The following THEMIS variants were observed in gnomAD, a reference collection of about 807,000 sequenced individuals.
THEMIS encodes the protein protein THEMIS.
A neutral mutation model predicts 52.6 loss-of-function variants in THEMIS; 37 were observed. The observed-to-expected ratio is 0.70, with a 90% CI of 0.54 to 0.93. The LOEUF is 0.93. THEMIS is among the 40% of genes least tolerant of loss of function. THEMIS has a pLI of 0.00. For synonymous variants in THEMIS, 292 were observed against 272.7 expected (o/e 1.07, Z -0.70); for missense variants, 808 against 763.1 (o/e 1.06, Z -0.69).
At chr6:127,855,006 A>T (rs773455106) in intron 2 of THEMIS, 24 bp downstream of exon 2, 1 of 1,573,234 alleles carries the variant, frequency 6.4e-7, no homozygotes, top group African/African-American at 1.4e-5. Context: ...TGTACAAATG[A>T]TAAGTGGTTG....
At chr6:127,817,529 T>C (rs1030374239) in intron 3 of THEMIS, among the ~76,000 whole-genome samples, 4 of 152,128 alleles carry the variant, frequency 2.6e-5, no homozygotes, top group African/African-American at 9.7e-5. Flanking sequence ...GTAAAATATT[T>C]TCATCCAAGT....
At chr6:127,723,747 G>A (rs1173716825) in intron 4 of THEMIS, among the ~76,000 whole-genome samples, 1 of 151,974 alleles carries the variant, frequency 6.6e-6, no homozygotes, top group Non-Finnish European at 1.5e-5. Context: ...CTGGGTTCCT[G>A]CAAGTGTCAC....
At chr6:127,905,792 A>G (rs1781253777), upstream of THEMIS, among the ~76,000 whole-genome samples, 1 of 151,600 alleles carries the variant, frequency 6.6e-6, no homozygotes, top group Admixed American at 6.6e-5. Context: ...ATAAAAACAC[A>G]TGTAATTTCT....
chr6:127,866,972 T>TATTTA (rs1269869637), intron 1 of THEMIS, among the ~76,000 whole-genome samples: 5 of 150,800 alleles, frequency 3.3e-5, no homozygotes, highest in African/African-American at 1.2e-4. Context: ...TTTATTTATT[T>TATTTA]ATTTATTTTT....
intron 1 of THEMIS, among the ~76,000 whole-genome samples, chr6:127,859,840 TG>T: frequency 6.6e-6 from 1 of 152,258 alleles, no homozygotes; most frequent in South Asian, 2.1e-4. Flanking sequence ...CTGCAAAGTA[TG>T]GCTGATAGTG....
At chr6:127,821,145 T>G (rs1036387400) in intron 3 of THEMIS, among the ~76,000 whole-genome samples, 1 of 151,374 alleles carries the variant, frequency 6.6e-6, no homozygotes, top group African/African-American at 2.4e-5. Flanking sequence ...TATATAGCTC[T>G]AATCATGTGT....
chr6:127,812,880 T>C lies in THEMIS; in HGVS notation c.1758+3A>G. On this transcript the variant is annotated splice_donor_region_variant and intron_variant, in intron 4 of 5. Coordinates refer to ENST00000368248, the MANE Select transcript of THEMIS (RefSeq NM_001010923.3). ...AGAAAACATTGCAAAACCATAGCCT[T>C]ACCTTGGGAGACTTGGGCAGGTCTA... The C allele has an allele frequency of 6.3e-7, 1 of 1,585,638 alleles. No homozygotes were observed. The highest frequency in any genetic ancestry group is 8.6e-7 in the Non-Finnish European group (1 of 1,165,590).
At chr6:127,872,280 C>A (rs1780179808) in intron 1 of THEMIS, among the ~76,000 whole-genome samples, 1 of 152,024 alleles carries the variant, frequency 6.6e-6, no homozygotes, top group Non-Finnish European at 1.5e-5. Flanking sequence ...ATTTAAAAAA[C>A]AAACTCTTAC....
At position 127,822,270 on chromosome 6, in the gene THEMIS, T is replaced by C. The variant is rs979586680; in HGVS notation, c.709+7206A>G. ...AAATTAAAATTTGCTTTACAGTTCA[T>C]TCATTTGATCTCAATTTTCTTTATG... On this transcript the variant is annotated intron_variant, in intron 3 of 5. Transcript: ENST00000368248. 1.3e-5 allele frequency among the ~76,000 whole-genome samples: 2 copies of C among 152,090 alleles called. 1 individual carries two copies. The highest frequency in any genetic ancestry group is 4.1e-4 in the South Asian group (2 of 4,834).
intron 1 of THEMIS, among the ~76,000 whole-genome samples, chr6:127,871,992 C>T (rs1220640479): frequency 6.9e-6 from 1 of 143,920 alleles, no homozygotes; most frequent in Non-Finnish European, 1.5e-5. Context: ...AGACAGCACA[C>T]ATCAAAAAAA....
chr6:127,703,035 GTTTTTTTTT>G, the THEMIS span, among the ~76,000 whole-genome samples: 115 of 82,376 alleles, frequency 1.4e-3, no homozygotes, highest in African/African-American at 6.1e-3. Flanking sequence ...TTTAGAATGA[GTTTTTTTTT>G]TTTTTTTTTT....
At chr6:127,874,619 C>A (rs928171809) in intron 1 of THEMIS, among the ~76,000 whole-genome samples, 1 of 152,118 alleles carries the variant, frequency 6.6e-6, no homozygotes. Flanking sequence ...AGTGGACCCA[C>A]AAAATTCAAA....
intron 4 of THEMIS, among the ~76,000 whole-genome samples, chr6:127,765,023 A>C (rs956131441): frequency 2.0e-5 from 3 of 152,052 alleles, no homozygotes; most frequent in African/African-American, 7.2e-5. Flanking sequence ...AGACCCTTAC[A>C]TTCTCCAGGG....
At chr6:127,697,484 C>A in the THEMIS span, among the ~76,000 whole-genome samples, 1 of 152,132 alleles carries the variant, frequency 6.6e-6, no homozygotes, top group African/African-American at 2.4e-5. Context: ...CCATCAGTTT[C>A]TCAAAACCCT....
intron 4 of THEMIS, among the ~76,000 whole-genome samples, chr6:127,771,695 A>T (rs1776390329): frequency 6.6e-6 from 1 of 152,186 alleles, no homozygotes. Context: ...AGAACTGTGA[A>T]AATCATTAAT....
chr6:127,785,673 T>C (rs1229838539), intron 4 of THEMIS, among the ~76,000 whole-genome samples: 1 of 151,946 alleles, frequency 6.6e-6, no homozygotes, highest in Non-Finnish European at 1.5e-5. Context: ...TAGCCATCTT[T>C]TCCTCCTTAT....
chr6:127,857,729 G>C (rs976015209), intron 1 of THEMIS, among the ~76,000 whole-genome samples: 2 of 151,964 alleles, frequency 1.3e-5, no homozygotes, highest in South Asian at 4.1e-4. Flanking sequence ...ATCAGAACCT[G>C]TGTTTTTAAC....
intron 1 of THEMIS, among the ~76,000 whole-genome samples, chr6:127,899,160 C>A (rs955880257): frequency 1.3e-5 from 2 of 151,652 alleles, no homozygotes; most frequent in African/African-American, 4.8e-5. Context: ...AAGTTTGAGG[C>A]AATGAATAAT....
intron 4 of THEMIS, among the ~76,000 whole-genome samples, chr6:127,793,554 T>G (rs377375738): frequency 1.3e-5 from 2 of 152,094 alleles, no homozygotes; most frequent in Admixed American, 1.3e-4. Context: ...TCTATTTGGG[T>G]GCCAAGGACA....
Sources: allele counts gnomAD v4.1 joint callset (sites outside exome capture counted in the v4.1 genomes callset), GRCh38; gene constraint gnomAD v4.1.1; transcripts MANE v1.5; gene names NCBI Gene and HGNC (gene_info 2026-07-23, HGNC 2026-07-21).